KCNG3: variants seen among roughly 807,000 people sequenced by gnomAD.
The protein encoded by KCNG3 is potassium voltage-gated channel modifier subfamily G member 3.
A neutral mutation model predicts 29.0 loss-of-function variants in KCNG3; 15 were observed. The ratio of observed to expected loss-of-function variants is 0.52; its 90% CI spans 0.35 to 0.80. The LOEUF (loss-of-function observed/expected upper bound fraction) is 0.80. Among genes scored for constraint, KCNG3 ranks in the 30% least tolerant of loss-of-function variants. The pLI is 0.01. For missense variants in KCNG3, 512 were observed against 605.7 expected, an observed-to-expected ratio of 0.85 and a Z score of 1.62; for synonymous variants, 322 against 248.9, an observed-to-expected ratio of 1.29 and a Z score of -2.76.
the KCNG3 span, among the ~76,000 whole-genome samples, chr2:42,395,139 A>G: frequency 2.0e-5 from 3 of 152,192 alleles, no homozygotes; most frequent in African/African-American, 4.8e-5. Context: ...CAACTCCTCT[A>G]ATTCATCGGT....
chr2:42,418,526 T>G, the KCNG3 span, among the ~76,000 whole-genome samples: 1 of 152,224 alleles, frequency 6.6e-6, no homozygotes, highest in Non-Finnish European at 1.5e-5. Context: ...TATATTTCTT[T>G]ATTATTTAAA....
the KCNG3 span, among the ~76,000 whole-genome samples, chr2:42,399,507 T>G: frequency 1.3e-5 from 2 of 152,246 alleles, no homozygotes; most frequent in Non-Finnish European, 2.9e-5. Flanking sequence ...AAAGTGAGAG[T>G]GAGGCTGGCT....
the KCNG3 span, among the ~76,000 whole-genome samples, chr2:42,432,957 C>CA: frequency 0.14 from 19,026 of 133,544 alleles, 1,380 homozygotes; most frequent in South Asian, 0.28. Context: ...AACAAAAAAA[C>CA]AAAAAAAAAA....
chr2:42,462,782 C>A lies in KCNG3; in HGVS notation c.666-18203G>T, dbSNP rs183731418. Among the ~76,000 whole-genome samples, 9 of 152,284 alleles carry A rather than the reference C, an allele frequency of 5.9e-5. No individual in the cohort carries two copies. In the South Asian group the frequency reaches 1.7e-3, roughly 28 times the overall value. ...CTCTGATCAACTGGGGTTAGGAAAC[C>A]AAGGTTCAATTATCAGGAAGTCACA... is the stretch of plus-strand genomic sequence containing the variant. On this transcript the variant is annotated intron_variant, in intron 1 of 1. Coordinates refer to ENST00000306078, the MANE Select transcript of KCNG3 (RefSeq NM_133329.6).
intron 1 of KCNG3, among the ~76,000 whole-genome samples, chr2:42,469,010 T>C (rs1314315741): frequency 3.6e-5 from 5 of 139,584 alleles, no homozygotes; most frequent in Non-Finnish European, 6.3e-5. Context: ...ATAAATTTAA[T>C]GCAAAAAATT....
intron 1 of KCNG3, among the ~76,000 whole-genome samples, chr2:42,491,513 G>A (rs936575706): frequency 2.6e-5 from 4 of 151,664 alleles, no homozygotes; most frequent in Admixed American, 2.0e-4. Flanking sequence ...AAAAAAAAAG[G>A]CATTTATGTA....
At position 42,444,525 on chromosome 2, in the gene KCNG3, G is replaced by A. The variant is rs935102102; in HGVS notation, c.720C>T (p.Phe240=). The A allele has an allele frequency of 6.2e-7, 1 of 1,614,124 alleles. No individual in the cohort carries two copies. Among genetic ancestry groups the A allele is most frequent in the East Asian group, 2.2e-5 (1 of 44,894 alleles). Residue 240 remains phenylalanine (F), a synonymous_variant, in exon 2 of 2, where the codon TTC becomes TTT. Coordinates refer to ENST00000306078, the MANE Select transcript of KCNG3 (RefSeq NM_133329.6). This position sits in a 1 kb window ranked among gnomAD's most constrained non-coding sequence, Gnocchi z 5.8. The part of the protein sequence containing the change: ...GWFTAECIVR[F]IVSKNKCEFV... ...ACTCACACTTGTTTTTGGAGACAAT[G>A]AACCTCACGATGCACTCGGCAGTGA...
chr2:42,467,699 A>G (rs2103701217), intron 1 of KCNG3, among the ~76,000 whole-genome samples: 1 of 148,960 alleles, frequency 6.7e-6, no homozygotes, highest in African/African-American at 2.5e-5. Flanking sequence ...ACCATGTGTG[A>G]TGGCTCACAA....
the KCNG3 span, among the ~76,000 whole-genome samples, chr2:42,395,021 AATC>A: frequency 5.3e-5 from 8 of 152,330 alleles, no homozygotes; most frequent in African/African-American, 1.9e-4. Flanking sequence ...GGCTGGGACA[AATC>A]TTTCTCAACC....
chr2:42,479,753 G>GC (rs2103726316), intron 1 of KCNG3, among the ~76,000 whole-genome samples: 1 of 150,152 alleles, frequency 6.7e-6, no homozygotes, highest in South Asian at 2.1e-4. Context: ...ACTCACGCCT[G>GC]TAATCCCAGC....
At chr2:42,408,213 G>T in the KCNG3 span, among the ~76,000 whole-genome samples, 289 of 152,238 alleles carry the variant, frequency 1.9e-3, 7 homozygotes, top group East Asian at 0.051. Flanking sequence ...GAACAGCAGC[G>T]GGAGGCAAGA....
chr2:42,438,408 A>G (rs925412773), downstream of KCNG3, among the ~76,000 whole-genome samples: 1 of 152,196 alleles, frequency 6.6e-6, no homozygotes, highest in African/African-American at 2.4e-5. Flanking sequence ...TGCATAAATA[A>G]GTACATCAAA....
At chr2:42,420,417 G>A in the KCNG3 span, among the ~76,000 whole-genome samples, 2 of 152,166 alleles carry the variant, frequency 1.3e-5, no homozygotes, top group African/African-American at 4.8e-5. Context: ...CAAAGACTAT[G>A]CAGTATCACA....
At chr2:42,482,485 G>A (rs918498257) in intron 1 of KCNG3, among the ~76,000 whole-genome samples, 57 of 152,214 alleles carry the variant, frequency 3.7e-4, no homozygotes, top group Non-Finnish European at 2.2e-4. Flanking sequence ...AGCACTTTGG[G>A]AGGCCAAGGT....
the KCNG3 span, among the ~76,000 whole-genome samples, chr2:42,437,006 G>C: frequency 3.9e-5 from 6 of 152,084 alleles, no homozygotes; most frequent in Non-Finnish European, 5.9e-5. Flanking sequence ...TTCCCTAATT[G>C]AGTTCCTGTA....
intron 1 of KCNG3, among the ~76,000 whole-genome samples, chr2:42,451,388 G>T (rs547311979): frequency 6.6e-6 from 1 of 151,644 alleles, no homozygotes; most frequent in African/African-American, 2.4e-5. Flanking sequence ...GACCAGCCTG[G>T]GCAACAAAGC....
chr2:42,460,164 G>C (rs1270677024), intron 1 of KCNG3, among the ~76,000 whole-genome samples: 3 of 151,866 alleles, frequency 2.0e-5, no homozygotes, highest in Admixed American at 6.6e-5. Context: ...AGGAGTATGA[G>C]ACCAGCATGG....
the KCNG3 span, among the ~76,000 whole-genome samples, chr2:42,422,290 T>C: frequency 3.9e-5 from 6 of 152,064 alleles, no homozygotes; most frequent in Non-Finnish European, 1.5e-5. Flanking sequence ...GAGAGTAGTT[T>C]TCTAATAAAA....
chr2:42,419,110 C>A, the KCNG3 span, among the ~76,000 whole-genome samples: 5 of 149,772 alleles, frequency 3.3e-5, no homozygotes, highest in Non-Finnish European at 7.4e-5. Context: ...CTGAAAAATG[C>A]TACTGTGCGT....
Sources: allele counts gnomAD v4.1 joint callset (sites outside exome capture counted in the v4.1 genomes callset), GRCh38; gene constraint gnomAD v4.1.1; non-coding constraint Gnocchi (gnomAD v3.1); transcripts MANE v1.5; gene names NCBI Gene and HGNC (gene_info 2026-07-23, HGNC 2026-07-21).